The following RBM20 variants were observed in gnomAD, a reference collection of about 807,000 sequenced individuals.
RBM20 encodes the protein RNA-binding protein 20.
RBM20 carries 51 observed loss-of-function variants against 110.1 expected under a neutral mutation model. The ratio of observed to expected loss-of-function variants is 0.46; its 90% CI spans 0.37 to 0.59. The LOEUF is 0.59. Among genes scored for constraint, RBM20 ranks in the 20% least tolerant of loss-of-function variants. The probability of loss-of-function intolerance (pLI) is 0.00; values close to 1 mark genes in which losing one functional copy is unlikely to be tolerated. For synonymous variants in RBM20, 589 were observed against 618.2 expected (o/e 0.95, Z 0.70); for missense variants, 1,512 against 1,574.9 (o/e 0.96, Z 0.68).
intron 1 of RBM20, among the ~76,000 whole-genome samples, chr10:110,686,485 C>T (rs569965599): frequency 6.6e-6 from 1 of 152,092 alleles, no homozygotes; most frequent in East Asian, 1.9e-4. Flanking sequence ...GGAAATTACA[C>T]ATGGTAGCGC....
intron 1 of RBM20, among the ~76,000 whole-genome samples, chr10:110,680,753 C>T (rs955256941): frequency 6.6e-6 from 1 of 152,144 alleles, no homozygotes; most frequent in Non-Finnish European, 1.5e-5. Context: ...AGCTTTGATG[C>T]ACCTATACCA....
At chr10:110,804,494 A>G (rs1290807031) in intron 7 of RBM20, among the ~76,000 whole-genome samples, 1 of 152,226 alleles carries the variant, frequency 6.6e-6, no homozygotes, top group Non-Finnish European at 1.5e-5. Context: ...TAGGGAGAGA[A>G]GGGAGAGATT....
At chr10:110,815,953 G>A (rs1047830027) in intron 9 of RBM20, among the ~76,000 whole-genome samples, 1 of 152,134 alleles carries the variant, frequency 6.6e-6, no homozygotes, top group African/African-American at 2.4e-5. Flanking sequence ...TGGAATGACT[G>A]CAGAACAGAG....
At chr10:110,663,657 T>C (rs960761323) in intron 1 of RBM20, among the ~76,000 whole-genome samples, 1 of 152,220 alleles carries the variant, frequency 6.6e-6, no homozygotes, top group Non-Finnish European at 1.5e-5. Context: ...TAAATTCACA[T>C]GGACAAAAGT....
intron 1 of RBM20, among the ~76,000 whole-genome samples, chr10:110,680,752 G>T (rs759988145): frequency 2.6e-5 from 4 of 152,134 alleles, no homozygotes; most frequent in Non-Finnish European, 5.9e-5. Flanking sequence ...CAGCTTTGAT[G>T]CACCTATACC....
At chr10:110,785,568 C>CA in intron 5 of RBM20, among the ~76,000 whole-genome samples, 1 of 151,774 alleles carries the variant, frequency 6.6e-6, no homozygotes, top group Non-Finnish European at 1.5e-5. Context: ...AACAAACAAA[C>CA]AAAAAAACCA....
chr10:110,812,724 A>G lies in RBM20; in HGVS notation c.2327A>G (p.Gln776Arg). ...AKSDKYLKQQ[Q>R]DAPGRSRRKD... Reference sequence around the variant, plus strand: ...TCGGACAAGTATCTGAAGCAGCAGCAGGATGCCCCCGGGAGGTCCAGGAGG... The same window carrying G: ...TCGGACAAGTATCTGAAGCAGCAGCGGGATGCCCCCGGGAGGTCCAGGAGG... The change falls in exon 9 of 14, where the codon CAG becomes CGG. Residue 776 changes from glutamine to arginine, a missense_variant. Transcript: ENST00000369519. 2 of 1,551,764 alleles carry G rather than the reference A, an allele frequency of 1.3e-6. No homozygotes were observed. The highest frequency in any genetic ancestry group is 2.7e-5 in the African/African-American group (2 of 73,184).
At chr10:110,731,579 G>C (rs1249039588) in intron 1 of RBM20, among the ~76,000 whole-genome samples, 1 of 152,076 alleles carries the variant, frequency 6.6e-6, no homozygotes, top group East Asian at 1.9e-4. Flanking sequence ...CATTTTCTAC[G>C]TGTGCTGCCA....
intron 1 of RBM20, among the ~76,000 whole-genome samples, chr10:110,760,488 A>G (rs906122982): frequency 1.3e-4 from 11 of 87,714 alleles, no homozygotes; most frequent in Admixed American, 1.1e-3. Context: ...GCTGGAGTAC[A>G]GTGGCGTGAT....
intron 1 of RBM20, among the ~76,000 whole-genome samples, chr10:110,743,254 T>G (rs1843741027): frequency 6.6e-6 from 1 of 152,236 alleles, no homozygotes; most frequent in Admixed American, 6.5e-5. Context: ...CTTAATTCTC[T>G]AAACCTCCAA....
rs930745959 is a variant in RBM20 at position 110,644,971 on chromosome 10, C to T, written c.191+326C>T. On this transcript the variant is annotated intron_variant, in intron 1 of 13. Coordinates refer to ENST00000369519, the MANE Select transcript of RBM20 (RefSeq NM_001134363.3). The surrounding 1 kb of genome is among the most constrained non-coding windows in gnomAD (Gnocchi z 4.3). ...GCGACTGTATTTCATCTTTCTGGTC[C>T]CAAGAGGACGCTGGAATGGAGAGTC... 6.6e-6 allele frequency among the ~76,000 whole-genome samples: 1 copy of T among 151,946 alleles called. No homozygotes were observed. Among genetic ancestry groups the T allele is most frequent in the Non-Finnish European group, 1.5e-5 (1 of 67,988 alleles).
Position 110,706,230 on chromosome 10 carries a change from G to C in RBM20, c.191+61585G>C, listed in dbSNP as rs117342174. ...TGTGTAGCTGTGTGACTTTGAGCAA[G>C]TTGCCTTCATAGCTATAGTCATCTT... is the stretch of plus-strand genomic sequence containing the variant. On this transcript the variant is annotated intron_variant, in intron 1 of 13. Transcript: ENST00000369519. 1.0e-3 allele frequency among the ~76,000 whole-genome samples: 155 copies of C among 152,330 alleles called. 1 individual carries two copies. The East Asian group carries it at 0.029, about 29-fold the overall frequency.
intron 1 of RBM20, among the ~76,000 whole-genome samples, chr10:110,645,752 C>T (rs992863645): frequency 3.3e-5 from 5 of 152,110 alleles, no homozygotes; most frequent in African/African-American, 9.7e-5. Context: ...CATTAGAAAA[C>T]GCTGGTATCA....
rs1844779186 is a variant in RBM20 at position 110,812,345 on chromosome 10, C to T, written c.1948C>T (p.Pro650Ser). The T allele has an allele frequency of 3.2e-6, 5 of 1,551,618 alleles. No homozygotes were observed. The highest frequency in any genetic ancestry group is 4.4e-6 in the Non-Finnish European group (5 of 1,147,028). ...SRSLSPRSHTPSFTSCSSSHS... is the reference protein window; with the variant it reads ...SRSLSPRSHTSSFTSCSSSHS... ...GTCACTCTCCCCGAGGTCCCACACT[C>T]CCAGCTTCACCTCCTGCAGCTCTTC... is the stretch of plus-strand genomic sequence containing the variant. Residue 650 changes from proline to serine, a missense_variant, in exon 9 of 14, where the codon CCC becomes TCC. Coordinates refer to ENST00000369519, the MANE Select transcript of RBM20 (RefSeq NM_001134363.3).
chr10:110,739,234 CTG>C lies in RBM20; in HGVS notation c.192-41563_192-41562del. ...ACAGTTGAGGGCTCTTGAAGTCATGCTGTGTTTTTAGGAAGATATTTGAGCAG... is the reference window on the plus strand; with the variant it reads ...ACAGTTGAGGGCTCTTGAAGTCATGCTGTTTTTAGGAAGATATTTGAGCAG... On this transcript the variant is annotated intron_variant, in intron 1 of 13. Transcript: ENST00000369519. This position sits in a 1 kb window ranked among gnomAD's most constrained non-coding sequence, Gnocchi z 4.1. Among the ~76,000 whole-genome samples, 1 of 152,218 alleles carries C rather than the reference CTG, an allele frequency of 6.6e-6. No homozygotes were observed. Among genetic ancestry groups the C allele is most frequent in the African/African-American group, 2.4e-5 (1 of 41,538 alleles).
At chr10:110,713,413 T>A (rs976856603) in intron 1 of RBM20, among the ~76,000 whole-genome samples, 2 of 152,120 alleles carry the variant, frequency 1.3e-5, no homozygotes, top group Admixed American at 6.6e-5. Context: ...TCCTGAGTCC[T>A]CTCCACTCTC....
At position 110,737,193 on chromosome 10, in the gene RBM20, A is replaced by AAAAAAAAAAAAC. The variant is rs796374212; in HGVS notation, c.192-43604_192-43603insAAAAAAACAAAA. Among the ~76,000 whole-genome samples the AAAAAAAAAAAAC allele has an allele frequency of 2.8e-4, 33 of 116,508 alleles. 3 individuals are homozygous for AAAAAAAAAAAAC. The highest frequency in any genetic ancestry group is 7.6e-4 in the African/African-American group (21 of 27,452). 76.4% of individuals were successfully genotyped at this position (116,508 alleles called of 152,430 possible). The stretch of plus-strand genomic sequence containing the variant: ...ACTCTGCCTCAAAAAAAAAAAAAAA[A>AAAAAAAAAAAAC]AAAACACCCCACACACACACTCAAA... On this transcript the variant is annotated intron_variant, in intron 1 of 13. Transcript: ENST00000369519.
intron 6 of RBM20, 68 bp from the exon 7 acceptor site, chr10:110,799,719 C>G: frequency 6.9e-7 from 1 of 1,459,674 alleles, no homozygotes; most frequent in Non-Finnish European, 9.2e-7. Flanking sequence ...TGGAATCATG[C>G]CTTGTGCTGA....
At position 110,739,968 on chromosome 10, in the gene RBM20, C is replaced by T. The variant is rs754361208; in HGVS notation, c.192-40833C>T. On this transcript the variant is annotated intron_variant, in intron 1 of 13. Transcript: ENST00000369519. The surrounding 1 kb of genome is among the most constrained non-coding windows in gnomAD (Gnocchi z 4.1). ...CCACTATACTGTCTCCCTCTCCCTC[C>T]TTCTCCAAGTGCCCAGACCTGCTCC... 2.3e-4 allele frequency among the ~76,000 whole-genome samples: 35 copies of T among 152,256 alleles called. No homozygotes were observed. Among genetic ancestry groups the T allele is most frequent in the Non-Finnish European group, 4.7e-4 (32 of 68,040 alleles).
Sources: gnomAD v4.1 joint callset for allele counts (sites outside exome capture counted in the v4.1 genomes callset) on GRCh38, gnomAD v4.1.1 for gene constraint, Gnocchi (gnomAD v3.1) non-coding constraint, MANE v1.5 for transcripts, NCBI Gene and HGNC (gene_info 2026-07-23, HGNC 2026-07-21) for gene names.